Variants in ADGRL2 observed in about 807,000 individuals in gnomAD.
ADGRL2 encodes adhesion G protein-coupled receptor L2, also known as calcium-independent alpha-latrotoxin receptor 2.
Under a neutral mutation model 157.4 loss-of-function variants are expected in ADGRL2, and 44 were observed. The ratio of observed to expected loss-of-function variants is 0.28; its 90% CI spans 0.22 to 0.36. The LOEUF (loss-of-function observed/expected upper bound fraction) is 0.36, where lower values mean the gene tolerates loss of function less well. Ranked by LOEUF, ADGRL2 falls within the 10% of genes least tolerant of loss-of-function variation. The probability of loss-of-function intolerance (pLI) is 1.00; values close to 1 mark genes in which losing one functional copy is unlikely to be tolerated. For synonymous variants in ADGRL2, 585 were observed against 624.7 expected (o/e 0.94, Z 0.95); for missense variants, 1,510 against 1,768.9 (o/e 0.85, Z 2.63).
intron 2 of ADGRL2, among the ~76,000 whole-genome samples, chr1:81,871,095 C>G (rs1042128932): frequency 1.7e-5 from 2 of 120,926 alleles, no homozygotes; most frequent in Admixed American, 9.6e-5. Context: ...CTCCCCCCAC[C>G]CCCAACAGGC....
At chr1:81,661,996 T>A (rs903482366) in intron 3 of ADGRL2, among the ~76,000 whole-genome samples, 7 of 148,330 alleles carry the variant, frequency 4.7e-5, no homozygotes, top group African/African-American at 1.7e-4. Flanking sequence ...AACTTAAGAG[T>A]TTTTTTTTTA....
chr1:81,575,285 C>A (rs768789560), intron 2 of ADGRL2, among the ~76,000 whole-genome samples: 10 of 152,140 alleles, frequency 6.6e-5, no homozygotes, highest in Non-Finnish European at 1.0e-4. Context: ...GTAAAATATT[C>A]TTCTAAGCTT....
intron 2 of ADGRL2, among the ~76,000 whole-genome samples, chr1:81,499,137 C>T (rs2078790320): frequency 6.6e-6 from 1 of 152,228 alleles, no homozygotes; most frequent in Admixed American, 6.5e-5. Context: ...AATCTCTTAC[C>T]TACATATTTC....
upstream of ADGRL2, among the ~76,000 whole-genome samples, chr1:81,798,194 G>T (rs78772600): frequency 0.018 from 2,704 of 152,038 alleles, 72 homozygotes; most frequent in African/African-American, 0.062. Flanking sequence ...ATTATGTTAT[G>T]AATTGTCAGA....
At chr1:81,527,665 T>C (rs2079494336) in intron 2 of ADGRL2, among the ~76,000 whole-genome samples, 1 of 150,740 alleles carries the variant, frequency 6.6e-6, no homozygotes, top group African/African-American at 2.4e-5. Context: ...TGAGCCAAGA[T>C]CGCGCCACTG....
At chr1:81,783,382 G>A (rs552658166) in intron 2 of ADGRL2, among the ~76,000 whole-genome samples, 194 of 151,802 alleles carry the variant, frequency 1.3e-3, no homozygotes, top group African/African-American at 4.4e-3. Context: ...CACCCATCTC[G>A]GCCTCTCTAA....
chr1:81,470,358 C>T (rs1174261508), intron 2 of ADGRL2, among the ~76,000 whole-genome samples: 2 of 152,140 alleles, frequency 1.3e-5, no homozygotes, highest in East Asian at 1.9e-4. Context: ...ATCCCTGCTT[C>T]TATCCCCCGG....
chr1:81,360,807 G>A (rs1236484633), intron 1 of ADGRL2, among the ~76,000 whole-genome samples: 1 of 151,898 alleles, frequency 6.6e-6, no homozygotes, highest in African/African-American at 2.4e-5. Context: ...AAAACAACAA[G>A]TTGGCATCCT....
At chr1:81,632,321 A>G (rs2082025535) in intron 3 of ADGRL2, among the ~76,000 whole-genome samples, 1 of 152,214 alleles carries the variant, frequency 6.6e-6, no homozygotes, top group Non-Finnish European at 1.5e-5. Flanking sequence ...TGGCCTTAGT[A>G]GGACCTCCTG....
intron 3 of ADGRL2, among the ~76,000 whole-genome samples, chr1:81,692,953 A>ATC (rs2083372357): frequency 6.6e-6 from 1 of 152,132 alleles, no homozygotes; most frequent in South Asian, 2.1e-4. Flanking sequence ...TCATTCATTA[A>ATC]TCTTTACTAG....
chr1:81,643,213 G>T (rs964082142), intron 3 of ADGRL2, among the ~76,000 whole-genome samples: 1 of 152,172 alleles, frequency 6.6e-6, no homozygotes, highest in Non-Finnish European at 1.5e-5. Flanking sequence ...AAGACTTCCC[G>T]GGACTAATAA....
intron 1 of ADGRL2, among the ~76,000 whole-genome samples, chr1:81,329,455 A>G (rs1005112042): frequency 1.3e-5 from 2 of 152,154 alleles, no homozygotes; most frequent in African/African-American, 4.8e-5. Flanking sequence ...TGAACAATTA[A>G]TAGTCTCTGC....
chr1:81,567,401 G>A (rs1238166075), intron 2 of ADGRL2, among the ~76,000 whole-genome samples: 1 of 152,078 alleles, frequency 6.6e-6, no homozygotes, highest in African/African-American at 2.4e-5. Context: ...GTACAGCACT[G>A]AATTCTCCCT....
At chr1:81,448,461 A>T (rs1450663387) in intron 2 of ADGRL2, among the ~76,000 whole-genome samples, 7 of 151,904 alleles carry the variant, frequency 4.6e-5, no homozygotes, top group Non-Finnish European at 1.0e-4. Flanking sequence ...TCTTTTCTTT[A>T]TAAATTACCC....
At chr1:81,703,556 G>C (rs1362623405) in intron 1 of ADGRL2, among the ~76,000 whole-genome samples, 1 of 152,110 alleles carries the variant, frequency 6.6e-6, no homozygotes, top group African/African-American at 2.4e-5. Flanking sequence ...TGTGGACATT[G>C]GTGAGATCAT....
chr1:81,984,660 A>G lies in ADGRL2; in HGVS notation c.3360A>G (p.Ser1120=), dbSNP rs1662641818. 7.4e-6 allele frequency: 12 copies of G among 1,613,022 alleles called. No individual in the cohort carries two copies. Among genetic ancestry groups the G allele is most frequent in the African/African-American group, 1.3e-5 (1 of 74,944 alleles). Residue 1120 remains serine, a synonymous_variant, in exon 20 of 24, where the codon TCA becomes TCG. Transcript: ENST00000686636. ...GGLPTESPHS[S]VKASTTRTSA... is the part of the protein sequence containing the mutation. ...TCCCAACTGAGAGTCCCCACAGTTCAGTGAAGGCATCAACCACCAGAACCA... is the reference window on the plus strand; with the variant it reads ...TCCCAACTGAGAGTCCCCACAGTTCGGTGAAGGCATCAACCACCAGAACCA...
chr1:81,359,580 A>G (rs2075939562), intron 1 of ADGRL2, among the ~76,000 whole-genome samples: 1 of 152,036 alleles, frequency 6.6e-6, no homozygotes, highest in African/African-American at 2.4e-5. Context: ...GTCATACATA[A>G]TAGACATTGC....
intron 1 of ADGRL2, among the ~76,000 whole-genome samples, chr1:81,311,344 C>T (rs1215840625): frequency 6.6e-6 from 1 of 152,006 alleles, no homozygotes; most frequent in Non-Finnish European, 1.5e-5. Context: ...GACCTCTTTT[C>T]TGTCTATTCT....
intron 2 of ADGRL2, among the ~76,000 whole-genome samples, chr1:81,781,935 G>A (rs1457038269): frequency 6.6e-6 from 1 of 152,294 alleles, no homozygotes; most frequent in Non-Finnish European, 1.5e-5. Context: ...TTGGCACAAA[G>A]AAGAAAACCT....
Sources: allele counts gnomAD v4.1 joint callset (sites outside exome capture counted in the v4.1 genomes callset), GRCh38; gene constraint gnomAD v4.1.1; transcripts MANE v1.5; gene names NCBI Gene and HGNC (gene_info 2026-07-23, HGNC 2026-07-21).